Variants in NCS1 observed in about 807,000 individuals in gnomAD.
NCS1 encodes the protein neuronal calcium sensor 1.
In NCS1, 6 loss-of-function variants were observed where a neutral mutation model predicts 28.4. The ratio of observed to expected loss-of-function variants is 0.21; its 90% CI spans 0.12 to 0.42. The LOEUF (loss-of-function observed/expected upper bound fraction) is 0.42, where lower values mean the gene tolerates loss of function less well. NCS1 is among the 10% of genes least tolerant of loss of function. The probability of loss-of-function intolerance (pLI) is 1.00; values close to 1 mark genes in which losing one functional copy is unlikely to be tolerated. For synonymous variants in NCS1, 86 were observed against 99.3 expected, an observed-to-expected ratio of 0.87 and a Z score of 0.79; for missense variants, 131 against 241.4, an observed-to-expected ratio of 0.54 and a Z score of 3.03.
intron 1 of NCS1, among the ~76,000 whole-genome samples, chr9:130,190,489 A>AC (rs782007160): frequency 2.0e-5 from 3 of 152,170 alleles, no homozygotes; most frequent in Non-Finnish European, 2.9e-5. Flanking sequence ...GTCCAATGTC[A>AC]CACAACTGGA....
intron 4 of NCS1, among the ~76,000 whole-genome samples, chr9:130,222,040 T>TATAAATATATA (rs1554910604): frequency 7.7e-5 from 1 of 12,910 alleles, no homozygotes; most frequent in African/African-American, 2.5e-4. Context: ...AAATTATGTA[T>TATAAATATATA]CTATAAATAT....
intron 1 of NCS1, among the ~76,000 whole-genome samples, chr9:130,173,207 G>GA (rs1215203251): frequency 1.3e-5 from 2 of 151,850 alleles, no homozygotes; most frequent in African/African-American, 4.8e-5. Flanking sequence ...TGTGGGGGGG[G>GA]GGGTGGCGAG....
intron 7 of NCS1, among the ~76,000 whole-genome samples, chr9:130,231,493 C>A (rs1294960538): frequency 6.6e-6 from 1 of 151,964 alleles, no homozygotes; most frequent in Non-Finnish European, 1.5e-5. Flanking sequence ...AAGCGATTCT[C>A]CTGCCTCAGT....
chr9:130,176,138 TTTTCTTTC>T (rs71387327), intron 1 of NCS1, among the ~76,000 whole-genome samples: 5,624 of 102,152 alleles, frequency 0.055, 344 homozygotes, highest in Non-Finnish European at 0.077. Context: ...TATTTGTTCA[TTTTCTTTC>T]TTTCTTTCTT....
chr9:130,194,931 A>C (rs1479688767), intron 1 of NCS1, among the ~76,000 whole-genome samples: 2 of 152,258 alleles, frequency 1.3e-5, no homozygotes, highest in Non-Finnish European at 2.9e-5. Flanking sequence ...AGGAGGAATC[A>C]GCAGGTGTTT....
At chr9:130,202,579 G>GTT (rs11329541) in intron 2 of NCS1, among the ~76,000 whole-genome samples, 1 of 122,672 alleles carries the variant, frequency 8.2e-6, no homozygotes, top group Non-Finnish European at 1.7e-5. Flanking sequence ...TCAAATCCAT[G>GTT]TTTTTTTTTT....
At chr9:130,222,041 C>T (rs1454216239) in intron 4 of NCS1, among the ~76,000 whole-genome samples, 1 of 9,910 alleles carries the variant, frequency 1.0e-4, no homozygotes, top group South Asian at 3.4e-3. Context: ...AATTATGTAT[C>T]TATAAATATA....
rs1832739310 is a variant in NCS1 at position 130,186,423 on chromosome 9, C to G, written c.64+13696C>G. Among the ~76,000 whole-genome samples, 2 of 152,238 alleles carry G rather than the reference C, an allele frequency of 1.3e-5. No individual in the cohort carries two copies. The highest frequency in any genetic ancestry group is 4.1e-4 in the South Asian group (2 of 4,822). ...TACTGAAAAATGATTTGCTGTTTAC[C>G]TGATATTTGAACTTAACAGGGTATC... On this transcript the variant is annotated intron_variant, in intron 1 of 7. Coordinates refer to ENST00000372398, the MANE Select transcript of NCS1 (RefSeq NM_014286.4). This position sits in a 1 kb window ranked among gnomAD's most constrained non-coding sequence, Gnocchi z 4.1.
At position 130,219,620 on chromosome 9, in the gene NCS1, CA is replaced by C. The variant is rs1375288453; in HGVS notation, c.229-104del. The C allele has an allele frequency of 1.2e-5, 12 of 1,029,796 alleles. No individual in the cohort carries two copies. In the African/African-American group the frequency reaches 1.4e-4, roughly 12 times the overall value. The allele number at this position is 1,029,796 out of a possible 1,614,324, so 63.8% of individuals were successfully genotyped here. A position where few individuals can be genotyped will look rare whatever the true frequency, so the allele number is the denominator to read the frequency against. ...CCTCTCCACCTGAGTGTCCATTGGC[CA>C]CAGTGTCTGGAGCCTGCGACTGCCC... On this transcript the variant is annotated intron_variant, in intron 3 of 7. Coordinates refer to ENST00000372398, the MANE Select transcript of NCS1 (RefSeq NM_014286.4). This position sits in a 1 kb window ranked among gnomAD's most constrained non-coding sequence, Gnocchi z 5.7.
At chr9:130,227,337 C>T (rs546135167) in intron 7 of NCS1, among the ~76,000 whole-genome samples, 39 of 152,290 alleles carry the variant, frequency 2.6e-4, no homozygotes, top group Non-Finnish European at 4.9e-4. Context: ...GTGTGAATAA[C>T]GTCCAAGGTA....
At chr9:130,178,956 A>G (rs1554904918) in intron 1 of NCS1, among the ~76,000 whole-genome samples, 1 of 109,582 alleles carries the variant, frequency 9.1e-6, no homozygotes, top group Non-Finnish European at 1.9e-5. Context: ...TTTTTTTGAA[A>G]CAGAGTCTTA....
chr9:130,230,351 A>AAAAAC (rs1554911922), intron 7 of NCS1, among the ~76,000 whole-genome samples: 2 of 151,080 alleles, frequency 1.3e-5, no homozygotes, highest in African/African-American at 4.9e-5. Flanking sequence ...ACTCTGTCTG[A>AAAAAC]AAAACAAAAC....
chr9:130,230,215 G>A (rs1833480388), intron 7 of NCS1, among the ~76,000 whole-genome samples: 1 of 152,168 alleles, frequency 6.6e-6, no homozygotes, highest in Admixed American at 6.5e-5. Context: ...GCCAGGTGTG[G>A]TGGCGGGCAC....
At chr9:130,207,299 C>G (rs147379821) in intron 2 of NCS1, among the ~76,000 whole-genome samples, 113 of 152,346 alleles carry the variant, frequency 7.4e-4, no homozygotes, top group Non-Finnish European at 1.2e-3. Context: ...GCCCTAGCAC[C>G]TTGCCTCGCC....
intron 7 of NCS1, among the ~76,000 whole-genome samples, chr9:130,229,793 A>G (rs1833474561): frequency 6.6e-6 from 1 of 152,156 alleles, no homozygotes; most frequent in African/African-American, 2.4e-5. Flanking sequence ...GGTAGTGATT[A>G]TATCCAATTT....
intron 2 of NCS1, among the ~76,000 whole-genome samples, chr9:130,214,107 C>T (rs974965932): frequency 7.9e-5 from 12 of 152,202 alleles, no homozygotes; most frequent in African/African-American, 2.4e-4. Flanking sequence ...CAGGGCACAG[C>T]GGTGTCAGGG....
chr9:130,175,271 G>A lies in NCS1; in HGVS notation c.64+2544G>A, dbSNP rs573906755. The stretch of plus-strand genomic sequence containing the variant: ...GAGAAAGCTTCCAGCTTGTTCTCCC[G>A]CCCCCAGATGGGCTTCCTTCTGATG... On this transcript the variant is annotated intron_variant, in intron 1 of 7. Transcript: ENST00000372398. This position sits in a 1 kb window ranked among gnomAD's most constrained non-coding sequence, Gnocchi z 4.9. Among the ~76,000 whole-genome samples the A allele has an allele frequency of 1.3e-5, 2 of 152,160 alleles. No individual in the cohort carries two copies. Among genetic ancestry groups the A allele is most frequent in the Non-Finnish European group, 2.9e-5 (2 of 68,036 alleles).
chr9:130,201,069 G>A (rs1241694251), intron 2 of NCS1, 87 bp downstream of exon 2: 17 of 1,575,580 alleles, frequency 1.1e-5, no homozygotes, highest in Non-Finnish European at 1.4e-5. Context: ...CAGTCCAGCT[G>A]CTCAGGATGG....
At chr9:130,201,430 G>A (rs1270671771) in intron 2 of NCS1, among the ~76,000 whole-genome samples, 3 of 152,170 alleles carry the variant, frequency 2.0e-5, no homozygotes, top group East Asian at 1.9e-4. Context: ...TCAATCTGTC[G>A]TAGCTGCCTG....
Sources: gnomAD v4.1 joint callset for allele counts (sites outside exome capture counted in the v4.1 genomes callset) on GRCh38, gnomAD v4.1.1 for gene constraint, Gnocchi (gnomAD v3.1) non-coding constraint, MANE v1.5 for transcripts, NCBI Gene and HGNC (gene_info 2026-07-23, HGNC 2026-07-21) for gene names.